The following MDC1 variants were observed in gnomAD, a reference collection of about 807,000 sequenced individuals.
MDC1 encodes mediator of DNA damage checkpoint protein 1.
In MDC1, 81 loss-of-function variants were observed where a neutral mutation model predicts 142.5. The observed-to-expected ratio is 0.57, with a 90% CI of 0.47 to 0.68. The LOEUF is 0.68. Ranked by LOEUF, MDC1 falls within the 30% of genes least tolerant of loss-of-function variation. The pLI is 0.00. For missense variants in MDC1, 2,119 were observed against 2,547.9 expected (o/e 0.83, Z 3.62); for synonymous variants, 797 against 968.4 (o/e 0.82, Z 3.29).
chr6:30,714,923 G>GA (rs375977251), intron 2 of MDC1, 117 bp downstream of exon 2: 24,762 of 914,876 alleles, frequency 0.027, no homozygotes, highest in South Asian at 0.03. Flanking sequence ...TTCCATTCAT[G>GA]AAAAAAAAAA....
Position 30,712,366 on chromosome 6 carries a change from C to T in MDC1, c.1576G>A (p.Glu526Lys). ...STTVDINTQV[E>K]KEVPPGSAII... The stretch of plus-strand genomic sequence containing the variant: ...GCTGACCCTGGCGGGACTTCCTTCT[C>T]CACTTGTGTGTTGATGTCCACTGTG... Residue 526 changes from glutamate (E) to lysine (K), a missense_variant, in exon 5 of 15, where the codon GAG (glutamate) becomes AAG (lysine). By Grantham distance (56) the Glu-to-Lys change is moderately conservative. Transcript: ENST00000376406. This position sits in a 1 kb window ranked among gnomAD's most constrained non-coding sequence, Gnocchi z 4.7. The T allele has an allele frequency of 6.2e-7, 1 of 1,613,124 alleles. No homozygotes were observed.
In MDC1 at chr6:30,713,268, CCTT is replaced by C; in HGVS notation, c.671_673del (p.Glu224del). ...GGCCTCCTCTGTGGCTGGTTGCTGACCTTCTTCCACATCTGTGTCACTGTTCAA... is the reference window on the plus strand; with the variant it reads ...GGCCTCCTCTGTGGCTGGTTGCTGACCTTCCACATCTGTGTCACTGTTCAA... On this transcript the variant is annotated inframe_deletion, in exon 5 of 15. Transcript: ENST00000376406. The surrounding 1 kb of genome is among the most constrained non-coding windows in gnomAD (Gnocchi z 4.9). The C allele has an allele frequency of 6.2e-7, 1 of 1,613,026 alleles. No individual in the cohort carries two copies. The highest frequency in any genetic ancestry group is 8.5e-7 in the Non-Finnish European group (1 of 1,180,030).
Position 30,709,605 on chromosome 6 carries a change from C to T in MDC1, c.2222-1248G>A, listed in dbSNP as rs754046065. On this transcript the variant is annotated intron_variant, in intron 7 of 14. Transcript: ENST00000376406. This position sits in a 1 kb window ranked among gnomAD's most constrained non-coding sequence, Gnocchi z 4.2. ...ACTACTGTGGAACTGAACACTAGAA[C>T]TTATTCATTCAATCTGACTGGATTT... Among the ~76,000 whole-genome samples the T allele has an allele frequency of 6.6e-6, 1 of 152,216 alleles. No individual in the cohort carries two copies. The highest frequency in any genetic ancestry group is 1.5e-5 in the Non-Finnish European group (1 of 68,048).
At position 30,702,740 on chromosome 6, in the gene MDC1, A is replaced by T. The variant is rs371162703; in HGVS notation, c.5991+12T>A. 26 of 1,613,068 alleles carry T rather than the reference A, an allele frequency of 1.6e-5. No individual in the cohort carries two copies. In the African/African-American group the frequency reaches 3.5e-4, roughly 21 times the overall value. On this transcript the variant is annotated intron_variant, in intron 13 of 14. Coordinates refer to ENST00000376406, the MANE Select transcript of MDC1 (RefSeq NM_014641.3). Reference sequence around the variant, plus strand: ...GGAGGGCTGAAGCACAGGTTAAAAGATAGCCTCTCACCTCTAGCAGCCTTC... The same window carrying T: ...GGAGGGCTGAAGCACAGGTTAAAAGTTAGCCTCTCACCTCTAGCAGCCTTC...
chr6:30,703,519 G>C lies in MDC1; in HGVS notation c.5581C>G (p.Pro1861Ala). ...GKEEDVVTPK[P>A]GKRKRDQAEE... ...GCCTGGTCTCTCTTTCTCTTGCCTGGTTTTGGAGTCACGACATCCTGAGAT... is the reference window on the plus strand; with the variant it reads ...GCCTGGTCTCTCTTTCTCTTGCCTGCTTTTGGAGTCACGACATCCTGAGAT... The change falls in exon 11 of 15, where the codon CCA (proline) becomes GCA (alanine). Residue 1861 changes from proline to alanine, a missense_variant. Coordinates refer to ENST00000376406, the MANE Select transcript of MDC1 (RefSeq NM_014641.3). The surrounding 1 kb of genome is among the most constrained non-coding windows in gnomAD (Gnocchi z 4.4). 1.9e-6 allele frequency: 3 copies of C among 1,613,228 alleles called. No homozygotes were observed. Among genetic ancestry groups the C allele is most frequent in the Non-Finnish European group, 2.5e-6 (3 of 1,179,998 alleles).
chr6:30,712,980 G>A lies in MDC1; in HGVS notation c.962C>T (p.Ala321Val), dbSNP rs1775143193. 1.9e-6 allele frequency: 3 copies of A among 1,612,962 alleles called. No homozygotes were observed. The highest frequency in any genetic ancestry group is 1.7e-6 in the Non-Finnish European group (2 of 1,179,952). ...GCTGTCGATGAAGCCAAAAGGCTGAGCCCTTTCCAAATGGACCTCAGCTGG... is the reference window on the plus strand; with the variant it reads ...GCTGTCGATGAAGCCAAAAGGCTGAACCCTTTCCAAATGGACCTCAGCTGG... The part of the protein sequence containing the change: ...GRPAEVHLER[A>V]QPFGFIDSDT... Residue 321 changes from alanine (A) to valine (V), a missense_variant, in exon 5 of 15, where the codon GCT becomes GTT. Ala to Val is a moderately conservative substitution (Grantham distance 64). Transcript: ENST00000376406. The surrounding 1 kb of genome is among the most constrained non-coding windows in gnomAD (Gnocchi z 4.7).
rs1774169547 is a variant in MDC1, at chr6:30,707,858, C to T, written c.2721G>A (p.Lys907=). The change falls in exon 8 of 15, where the codon AAG becomes AAA. Residue 907 remains lysine (K), a synonymous_variant. Coordinates refer to ENST00000376406, the MANE Select transcript of MDC1 (RefSeq NM_014641.3). ...CAAATGCTTTGCTTGGAAGGGTCTG[C>T]TTCTGTACTTGTTTCTCTTGTATTT... is the stretch of plus-strand genomic sequence containing the variant. ...SEEIQEKQVQ[K]QTLPSKAFER... is the part of the protein sequence containing the mutation. 2.5e-6 allele frequency: 4 copies of T among 1,613,124 alleles called. No homozygotes were observed. Among genetic ancestry groups the T allele is most frequent in the Non-Finnish European group, 8.5e-7 (1 of 1,180,034 alleles).
Position 30,703,492 on chromosome 6 carries a change from C to T in MDC1, c.5608G>A (p.Glu1870Lys). 2 of 1,613,812 alleles carry T rather than the reference C, an allele frequency of 1.2e-6. No individual in the cohort carries two copies. Among genetic ancestry groups the T allele is most frequent in the Non-Finnish European group, 1.7e-6 (2 of 1,180,028 alleles). ...KPGKRKRDQA[E>K]EEPNRIPSRS... ...CTTGGTATTCTGTTGGGCTCCTCCT[C>T]TGCCTGGTCTCTCTTTCTCTTGCCT... The change falls in exon 11 of 15, where the codon GAG becomes AAG. Residue 1870 changes from glutamate to lysine, a missense_variant. By Grantham distance (56) the Glu-to-Lys change is moderately conservative (BLOSUM62 1). Coordinates refer to ENST00000376406, the MANE Select transcript of MDC1 (RefSeq NM_014641.3). This position sits in a 1 kb window ranked among gnomAD's most constrained non-coding sequence, Gnocchi z 4.4.
In MDC1 at chr6:30,703,505, CTT is replaced by C; in HGVS notation, c.5593_5594del (p.Lys1865GlufsTer22). 1.9e-6 allele frequency: 3 copies of C among 1,613,686 alleles called. No homozygotes were observed. Among genetic ancestry groups the C allele is most frequent in the Non-Finnish European group, 2.5e-6 (3 of 1,180,040 alleles). ...DVVTPKPGKR[K>X]RDQAEEEPNR... ...TGGGCTCCTCCTCTGCCTGGTCTCT[CTT>C]TCTCTTGCCTGGTTTTGGAGTCACG... On this transcript the variant is annotated frameshift_variant, in exon 11 of 15. Transcript: ENST00000376406. LOFTEE classifies it high-confidence loss of function. This position sits in a 1 kb window ranked among gnomAD's most constrained non-coding sequence, Gnocchi z 4.4.
intron 14 of MDC1, among the ~76,000 whole-genome samples, chr6:30,701,439 T>C (rs1004861560): frequency 3.3e-5 from 5 of 152,108 alleles, no homozygotes; most frequent in African/African-American, 4.8e-5. Flanking sequence ...AACCTGAATT[T>C]ATTCAAGCTT....
At position 30,712,153 on chromosome 6, in the gene MDC1, T is replaced by C. The variant is rs1338825095; in HGVS notation, c.1789A>G (p.Lys597Glu). The change falls in exon 5 of 15, where the codon AAG becomes GAG. Residue 597 changes from lysine (K) to glutamate (E), a missense_variant. Lys to Glu is a moderately conservative substitution (Grantham distance 56, BLOSUM62 1). Transcript: ENST00000376406. This position sits in a 1 kb window ranked among gnomAD's most constrained non-coding sequence, Gnocchi z 4.7. ...TCCCCTTCTGCTGGAAGCTGGCTCT[T>C]TCTTACATCTGCAACTACTGAGGCT... The part of the protein sequence containing the change: ...LTASVVADVR[K>E]SQLPAEGDAG... 2 of 1,612,698 alleles carry C rather than the reference T, an allele frequency of 1.2e-6. No homozygotes were observed.
intron 9 of MDC1, among the ~76,000 whole-genome samples, chr6:30,706,751 C>T (rs35743249): frequency 0.031 from 4,517 of 146,082 alleles, 104 homozygotes; most frequent in Non-Finnish European, 0.05. Context: ...GAGCCAAGAT[C>T]GCGCCACTGC....
At chr6:30,717,021 C>T in intron 1 of MDC1, 2 of 542,940 alleles carry the variant, frequency 3.7e-6, no homozygotes, top group Non-Finnish European at 4.7e-6. Context: ...CAAAGAGCCA[C>T]CATCTTTGGT....
In MDC1 at chr6:30,712,531, G is replaced by A; in HGVS notation, c.1411C>T (p.Leu471Phe). The change falls in exon 5 of 15, where the codon CTC (leucine) becomes TTC (phenylalanine). Residue 471 changes from leucine (L) to phenylalanine (F), a missense_variant. Leu to Phe is a conservative substitution (Grantham distance 22). Coordinates refer to ENST00000376406, the MANE Select transcript of MDC1 (RefSeq NM_014641.3). This position sits in a 1 kb window ranked among gnomAD's most constrained non-coding sequence, Gnocchi z 4.7. The part of the protein sequence containing the change: ...ELPVENREAV[L>F]KDHTKIRALV... ...GCTCTAATCTTTGTGTGATCCTTGA[G>A]GACAGCTTCTCTATTTTCCACTGGG... is the stretch of plus-strand genomic sequence containing the variant. 2 of 1,612,984 alleles carry A rather than the reference G, an allele frequency of 1.2e-6. No individual in the cohort carries two copies. The highest frequency in any genetic ancestry group is 1.7e-6 in the Non-Finnish European group (2 of 1,180,008).
chr6:30,704,857 C>T lies in MDC1; in HGVS notation c.4326G>A (p.Val1442=). The change falls in exon 10 of 15, where the codon GTG becomes GTA. Residue 1442 remains valine (V), a synonymous_variant. Transcript: ENST00000376406. Reference sequence around the variant, plus strand: ...TGGGGACAACTGTTTCAGGGGTCTTCACAGAGGACCTATTTGTCCTGCCCC... The same window carrying T: ...TGGGGACAACTGTTTCAGGGGTCTTTACAGAGGACCTATTTGTCCTGCCCC... ...ATRGRTNRSS[V]KTPETVVPTA... 1 of 1,443,762 alleles carries T rather than the reference C, an allele frequency of 6.9e-7. No homozygotes were observed. 89.4% of individuals were successfully genotyped at this position (1,443,762 alleles called of 1,614,324 possible).
rs1773447144 is a variant in MDC1, at chr6:30,704,823, C to T, written c.4360G>A (p.Glu1454Lys). The change falls in exon 10 of 15, where the codon GAG (glutamate) becomes AAG (lysine). Residue 1454 changes from glutamate (E) to lysine (K), a missense_variant. Glu to Lys is a moderately conservative substitution (Grantham distance 56). Transcript: ENST00000376406. Reference protein sequence around the residue: ...TPETVVPTAPELQPSTSTDQP... With the variant: ...TPETVVPTAPKLQPSTSTDQP... ...TCTGTGGAGGTGGAAGGCTGGAGCT[C>T]AGGGGCTGTGGGGACAACTGTTTCA... is the stretch of plus-strand genomic sequence containing the variant. 6.2e-7 allele frequency: 1 copy of T among 1,611,250 alleles called. No homozygotes were observed. The highest frequency in any genetic ancestry group is 8.5e-7 in the Non-Finnish European group (1 of 1,179,168).
Position 30,716,365 on chromosome 6 carries a change from A to T in MDC1, c.-4+880T>A, listed in dbSNP as rs759263420. ...CAGCCTCCCGAGCAGCTGGGATTAC[A>T]GGCGCCCGGCATCACGCCTGGCTAA... is the stretch of plus-strand genomic sequence containing the variant. On this transcript the variant is annotated intron_variant, in intron 1 of 14. Transcript: ENST00000376406. The surrounding 1 kb of genome is among the most constrained non-coding windows in gnomAD (Gnocchi z 4.4). 6.6e-6 allele frequency among the ~76,000 whole-genome samples: 1 copy of T among 152,124 alleles called. No homozygotes were observed. The highest frequency in any genetic ancestry group is 1.5e-5 in the Non-Finnish European group (1 of 68,024).
At position 30,702,849 on chromosome 6, in the gene MDC1, G is replaced by C; in HGVS notation, c.5894C>G (p.Pro1965Arg). The C allele has an allele frequency of 6.2e-7, 1 of 1,613,074 alleles. No homozygotes were observed. The highest frequency in any genetic ancestry group is 8.5e-7 in the Non-Finnish European group (1 of 1,180,034). ...QSRKAGFFLP[P>R]DEYVVTDPEQ... ...AGGGTCGGTCACCACATATTCATCC[G>C]GGGGTAAGAAGAAACCAGCCTTGCG... Residue 1965 changes from proline to arginine, a missense_variant, in exon 13 of 15, where the codon CCG becomes CGG. Coordinates refer to ENST00000376406, the MANE Select transcript of MDC1 (RefSeq NM_014641.3).
Position 30,715,078 on chromosome 6 carries a change from C to T in MDC1, c.98G>A (p.Arg33Gln), listed in dbSNP as rs769500971. The T allele has an allele frequency of 1.6e-5, 26 of 1,614,146 alleles. No homozygotes were observed. The South Asian group carries it at 2.0e-4, about 12-fold the overall frequency. Residue 33 changes from arginine (R) to glutamine (Q), a missense_variant, in exon 2 of 15, where the codon CGG becomes CAG. Arg to Gln is a conservative substitution (Grantham distance 43). Transcript: ENST00000376406. This position sits in a 1 kb window ranked among gnomAD's most constrained non-coding sequence, Gnocchi z 4.1. ...SLRCNVEPVG[R>Q]LHIFSGAHGP... ...ATGGGCACCACTAAAGATATGTAGC[C>T]GCCCTACTGGCTCCACGTTACACCT...
Sources: allele counts gnomAD v4.1 joint callset (sites outside exome capture counted in the v4.1 genomes callset), GRCh38; gene constraint gnomAD v4.1.1; non-coding constraint Gnocchi (gnomAD v3.1); transcripts MANE v1.5; gene names NCBI Gene and HGNC (gene_info 2026-07-23, HGNC 2026-07-21).